NCOR1: variants seen among roughly 807,000 people sequenced by gnomAD.
NCOR1 encodes nuclear receptor corepressor 1.
NCOR1 carries 63 observed loss-of-function variants against 288.1 expected under a neutral mutation model. The observed-to-expected ratio is 0.22, with a 90% confidence interval of 0.18 to 0.27. The LOEUF (loss-of-function observed/expected upper bound fraction) is 0.27, where lower values mean the gene tolerates loss of function less well. Among genes scored for constraint, NCOR1 ranks in the 10% least tolerant of loss-of-function variants. The pLI is 1.00. For missense variants in NCOR1, 2,397 were observed against 3,019.2 expected (o/e 0.79, Z 4.83); for synonymous variants, 1,007 against 1,065.9 (o/e 0.94, Z 1.08).
intron 40 of NCOR1, among the ~76,000 whole-genome samples, chr17:16,054,178 CA>C (rs2059651712): frequency 6.7e-6 from 1 of 149,760 alleles, no homozygotes; most frequent in East Asian, 2.0e-4. Context: ...ACACCAAAAG[CA>C]ACTGGAACAA....
At chr17:16,106,289 T>C (rs2068607839) in intron 19 of NCOR1, among the ~76,000 whole-genome samples, 1 of 152,178 alleles carries the variant, frequency 6.6e-6, no homozygotes, top group Non-Finnish European at 1.5e-5. Context: ...GAAGACATGT[T>C]AGTGGTTATA....
chr17:16,109,608 T>G (rs532337515), intron 18 of NCOR1, among the ~76,000 whole-genome samples: 2 of 152,350 alleles, frequency 1.3e-5, no homozygotes, highest in East Asian at 3.9e-4. Context: ...TTAAGGCATT[T>G]TGGTAATTTT....
intron 7 of NCOR1, among the ~76,000 whole-genome samples, 164 bp downstream of exon 7, chr17:16,153,175 C>A (rs965317464): frequency 1.3e-5 from 2 of 152,072 alleles, no homozygotes; most frequent in African/African-American, 4.8e-5. Context: ...GCAAAGGTAA[C>A]CAAGTTCACT....
chr17:16,054,069 G>GT (rs1555563469), intron 40 of NCOR1, among the ~76,000 whole-genome samples: 1 of 73,128 alleles, frequency 1.4e-5, no homozygotes, highest in Admixed American at 1.5e-4. Flanking sequence ...AGACTTAAAT[G>GT]TAAAAAAAAA....
chr17:16,207,680 G>T (rs367838814), intron 1 of NCOR1, among the ~76,000 whole-genome samples: 2 of 149,452 alleles, frequency 1.3e-5, no homozygotes, highest in East Asian at 4.0e-4. Context: ...GGTGGAGCTT[G>T]CAATGAGCCG....
At position 16,057,502 on chromosome 17, in the gene NCOR1, T is replaced by A. The variant is rs748460464; in HGVS notation, c.6392+12A>T. ...TGGGCAATTTATATATAATTTGGAATAAAGATCATACCTTCCCCTGGATTT... is the reference window on the plus strand; with the variant it reads ...TGGGCAATTTATATATAATTTGGAAAAAAGATCATACCTTCCCCTGGATTT... On this transcript the variant is annotated intron_variant, in intron 40 of 45. Transcript: ENST00000268712. The A allele has an allele frequency of 1.2e-6, 2 of 1,609,304 alleles. No homozygotes were observed. The highest frequency in any genetic ancestry group is 2.2e-5 in the South Asian group (2 of 90,990).
At chr17:16,189,690 A>C (rs967318342) in intron 2 of NCOR1, among the ~76,000 whole-genome samples, 1 of 152,198 alleles carries the variant, frequency 6.6e-6, no homozygotes, top group African/African-American at 2.4e-5. Flanking sequence ...CAGATTTAAA[A>C]GGGCTTAAGG....
chr17:16,185,386 T>A (rs909463034), intron 3 of NCOR1, among the ~76,000 whole-genome samples: 9 of 148,740 alleles, frequency 6.1e-5, no homozygotes, highest in Admixed American at 2.7e-4. Context: ...ACACACAATT[T>A]AAAAAAAAAA....
At chr17:16,068,273 G>C in intron 31 of NCOR1, 152 bp from the exon 32 acceptor site, 1 of 661,830 alleles carries the variant, frequency 1.5e-6, no homozygotes, top group Non-Finnish European at 2.5e-6. Context: ...TGCAAAATAT[G>C]AAAATGTAAA....
At chr17:16,076,088 G>A (rs981806273) in intron 26 of NCOR1, among the ~76,000 whole-genome samples, 9 of 152,158 alleles carry the variant, frequency 5.9e-5, no homozygotes, top group South Asian at 2.1e-4. Context: ...GAAATTTGCC[G>A]TTTGATACTG....
At chr17:16,040,102 T>C in intron 43 of NCOR1, 1 of 489,172 alleles carries the variant, frequency 2.0e-6, no homozygotes, top group South Asian at 1.6e-5. Flanking sequence ...GAGACCATCT[T>C]AATCCACAGA....
chr17:16,215,515 C>G lies in NCOR1; in HGVS notation c.-224G>C. ...GCCGCCGCGGCTGCTGCTTCGCCAC[C>G]TTGGCCGCCATCTTGACTCAACCCC... On this transcript the variant is annotated 5_prime_UTR_variant, in exon 1 of 46. Coordinates refer to ENST00000268712, the MANE Select transcript of NCOR1 (RefSeq NM_006311.4). 1 of 398,886 alleles carries G rather than the reference C, an allele frequency of 2.5e-6. No homozygotes were observed. The highest frequency in any genetic ancestry group is 4.4e-5 in the Admixed American group (1 of 22,738). The allele number at this position is 398,886 out of a possible 1,614,324, so 24.7% of individuals were successfully genotyped here.
intron 1 of NCOR1, among the ~76,000 whole-genome samples, chr17:16,206,083 T>C (rs2091467903): frequency 6.6e-6 from 1 of 152,006 alleles, no homozygotes; most frequent in Non-Finnish European, 1.5e-5. Flanking sequence ...TAATATCTAG[T>C]ATTGGCCAGA....
At chr17:16,040,874 A>AAAAT (rs1028105874) in intron 42 of NCOR1, 7 of 192,492 alleles carry the variant, frequency 3.6e-5, no homozygotes, top group South Asian at 9.7e-5. Flanking sequence ...CTGTTTACCA[A>AAAAT]AAATAAATAA....
At chr17:16,081,773 C>T (rs188301561) in intron 23 of NCOR1, among the ~76,000 whole-genome samples, 8 of 152,340 alleles carry the variant, frequency 5.3e-5, no homozygotes, top group South Asian at 2.1e-4. Flanking sequence ...GGGTAAACAA[C>T]AGGCTAACCA....
chr17:16,034,689 A>T, intron 45 of NCOR1, 76 bp downstream of exon 45: 1 of 1,316,494 alleles, frequency 7.6e-7, no homozygotes, highest in Non-Finnish European at 1.1e-6. Flanking sequence ...AGAGTTGCTG[A>T]ATTTTGAAGA....
chr17:16,127,729 G>A (rs1274973936), intron 14 of NCOR1, among the ~76,000 whole-genome samples: 9 of 118,964 alleles, frequency 7.6e-5, no homozygotes, highest in African/African-American at 2.2e-4. Flanking sequence ...ATACATATAT[G>A]TGTATATATG....
chr17:16,136,822 A>AG (rs1260403115), intron 14 of NCOR1, among the ~76,000 whole-genome samples: 54 of 63,532 alleles, frequency 8.5e-4, no homozygotes, highest in Non-Finnish European at 2.2e-3. Flanking sequence ...AAAAAAAAAA[A>AG]AAAAAAGAAA....
intron 1 of NCOR1, among the ~76,000 whole-genome samples, chr17:16,211,406 A>T (rs2092116973): frequency 6.6e-6 from 1 of 151,600 alleles, no homozygotes; most frequent in Non-Finnish European, 1.5e-5. Context: ...CTAATTTTTC[A>T]ATTTTTTTGT....
Sources: gnomAD v4.1 joint callset for allele counts (sites outside exome capture counted in the v4.1 genomes callset) on GRCh38, gnomAD v4.1.1 for gene constraint, MANE v1.5 for transcripts, NCBI Gene and HGNC (gene_info 2026-07-23, HGNC 2026-07-21) for gene names.